Variants in GRIN2A observed in about 807,000 individuals in gnomAD.
The protein encoded by GRIN2A is glutamate ionotropic receptor NMDA type subunit 2A, also known as glutamate receptor ionotropic, NMDA 2A.
In GRIN2A, 22 loss-of-function variants were observed where a neutral mutation model predicts 113.4. The observed-to-expected ratio is 0.19, with a 90% CI of 0.14 to 0.28. The LOEUF is 0.28. Ranked by LOEUF, GRIN2A falls within the 10% of genes least tolerant of loss-of-function variation. GRIN2A has a pLI of 1.00. For missense variants in GRIN2A, 1,502 were observed against 1,887.0 expected (o/e 0.80, Z 3.78); for synonymous variants, 827 against 738.4 (o/e 1.12, Z -1.94).
intron 10 of GRIN2A, among the ~76,000 whole-genome samples, chr16:9,808,029 C>G (rs1384125586): frequency 6.6e-6 from 1 of 152,190 alleles, no homozygotes; most frequent in Admixed American, 6.5e-5. Flanking sequence ...GAATGCTACT[C>G]TTTATAGAGC....
intron 2 of GRIN2A, among the ~76,000 whole-genome samples, chr16:10,142,482 C>G (rs980107408): frequency 6.6e-6 from 1 of 152,076 alleles, no homozygotes; most frequent in Non-Finnish European, 1.5e-5. Flanking sequence ...GGATCAAGGC[C>G]ACAAGTTCAA....
At chr16:10,016,248 G>A (rs1349615678) in intron 2 of GRIN2A, among the ~76,000 whole-genome samples, 2 of 152,054 alleles carry the variant, frequency 1.3e-5, no homozygotes, top group African/African-American at 2.4e-5. Flanking sequence ...GGGACAGTCA[G>A]GAAAGACACT....
chr16:9,769,451 C>CTTTTTTTTTTTTTTTTTTTTTTTTTTT (rs34847596), intron 11 of GRIN2A, among the ~76,000 whole-genome samples: 2 of 104,890 alleles, frequency 1.9e-5, no homozygotes, highest in Admixed American at 1.1e-4. Context: ...GGAGTTTTGT[C>CTTTTTTTTTTTTTTTTTTTTTTTTTTT]TTTTTTTTTT....
At chr16:9,996,026 A>G (rs1370244669) in intron 2 of GRIN2A, among the ~76,000 whole-genome samples, 24 of 6,144 alleles carry the variant, frequency 3.9e-3, no homozygotes, top group Non-Finnish European at 0.012. Flanking sequence ...GAGGGTGGCA[A>G]AAAAAAAAAA....
At chr16:10,146,792 C>T (rs1347795748) in intron 2 of GRIN2A, among the ~76,000 whole-genome samples, 1 of 151,922 alleles carries the variant, frequency 6.6e-6, no homozygotes, top group Admixed American at 6.6e-5. Flanking sequence ...GCTTCCCCAT[C>T]CCTCATGTCC....
chr16:9,940,278 A>C (rs1596346652), intron 2 of GRIN2A, among the ~76,000 whole-genome samples: 1 of 152,292 alleles, frequency 6.6e-6, no homozygotes, highest in Non-Finnish European at 1.5e-5. Context: ...ATTTGAGTGA[A>C]GCATGGCCTG....
intron 10 of GRIN2A, among the ~76,000 whole-genome samples, chr16:9,821,738 C>CTCCAAA (rs1353392586): frequency 2.0e-5 from 3 of 152,200 alleles, no homozygotes; most frequent in African/African-American, 7.2e-5. Flanking sequence ...CTGTGTTACA[C>CTCCAAA]TCCACAATGC....
intron 11 of GRIN2A, among the ~76,000 whole-genome samples, chr16:9,778,846 C>T (rs967032792): frequency 1.3e-5 from 2 of 152,212 alleles, no homozygotes; most frequent in African/African-American, 2.4e-5. Context: ...GCACTGGAAG[C>T]CCAACCTTGT....
intron 2 of GRIN2A, among the ~76,000 whole-genome samples, chr16:10,042,762 G>A (rs779683804): frequency 3.7e-4 from 57 of 152,146 alleles, no homozygotes; most frequent in Non-Finnish European, 7.2e-4. Flanking sequence ...GCGGCATGGG[G>A]AAACATTTAC....
At chr16:9,908,342 C>G (rs2044067747) in intron 3 of GRIN2A, among the ~76,000 whole-genome samples, 1 of 151,910 alleles carries the variant, frequency 6.6e-6, no homozygotes, top group Admixed American at 6.5e-5. Context: ...AAAGGAACTG[C>G]TGGGTGGAGG....
chr16:9,920,940 AG>A (rs1350025548), intron 3 of GRIN2A, among the ~76,000 whole-genome samples: 1 of 152,132 alleles, frequency 6.6e-6, no homozygotes, highest in Non-Finnish European at 1.5e-5. Flanking sequence ...AGAATTACTA[AG>A]ATTCCCTTGC....
At chr16:10,051,500 G>C (rs2047359537) in intron 2 of GRIN2A, among the ~76,000 whole-genome samples, 1 of 152,190 alleles carries the variant, frequency 6.6e-6, no homozygotes, top group African/African-American at 2.4e-5. Flanking sequence ...TATTTGTTGA[G>C]TGAATGAATG....
At chr16:9,986,731 C>T (rs1236689758) in intron 2 of GRIN2A, among the ~76,000 whole-genome samples, 1 of 144,338 alleles carries the variant, frequency 6.9e-6, no homozygotes, top group Non-Finnish European at 1.5e-5. Context: ...CGCCATTGCA[C>T]TCCAACCCAG....
intron 2 of GRIN2A, among the ~76,000 whole-genome samples, chr16:10,179,025 T>A (rs1037241305): frequency 1.3e-5 from 2 of 152,160 alleles, no homozygotes; most frequent in South Asian, 4.1e-4. Context: ...ACTTTACTTC[T>A]TCATTCCAGC....
intron 11 of GRIN2A, 24 bp downstream of exon 11, chr16:9,798,249 TAAAG>T (rs765853366): frequency 1.2e-6 from 2 of 1,602,712 alleles, no homozygotes; most frequent in Non-Finnish European, 8.5e-7. Flanking sequence ...CAAGTCCCCC[TAAAG>T]AAAGGGGTCA....
intron 3 of GRIN2A, among the ~76,000 whole-genome samples, chr16:9,908,167 T>C (rs1209661565): frequency 1.3e-5 from 2 of 152,298 alleles, no homozygotes; most frequent in South Asian, 2.1e-4. Context: ...TTAGCAGTAA[T>C]AATGTTTCAC....
chr16:9,833,908 T>C (rs1406921409), intron 8 of GRIN2A, among the ~76,000 whole-genome samples, 197 bp downstream of exon 8: 2 of 152,022 alleles, frequency 1.3e-5, no homozygotes, highest in East Asian at 3.9e-4. Flanking sequence ...TTAGTAGAGA[T>C]GGGTTTCACC....
At chr16:9,798,047 C>G (rs755254930) in intron 11 of GRIN2A, among the ~76,000 whole-genome samples, 4 of 152,188 alleles carry the variant, frequency 2.6e-5, no homozygotes, top group Non-Finnish European at 5.9e-5. Flanking sequence ...CCTAAATCCC[C>G]TGAGAGAGAC....
chr16:10,079,409 G>A (rs1443894951), intron 2 of GRIN2A, among the ~76,000 whole-genome samples: 1 of 152,144 alleles, frequency 6.6e-6, no homozygotes, highest in South Asian at 2.1e-4. Flanking sequence ...AGAGGAAAAC[G>A]CTAAGCCCAT....
Sources: allele counts gnomAD v4.1 joint callset (sites outside exome capture counted in the v4.1 genomes callset), GRCh38; gene constraint gnomAD v4.1.1; transcripts MANE v1.5; gene names NCBI Gene and HGNC (gene_info 2026-07-23, HGNC 2026-07-21).